MYO1C: variants seen among roughly 807,000 people sequenced by gnomAD.
The protein encoded by MYO1C is unconventional myosin-Ic.
A neutral mutation model predicts 150.8 loss-of-function variants in MYO1C; 104 were observed. That is an observed-to-expected ratio of 0.69 (90% CI 0.59 to 0.81). The LOEUF (loss-of-function observed/expected upper bound fraction) is 0.81. Ranked by LOEUF, MYO1C falls within the 30% of genes least tolerant of loss-of-function variation. MYO1C has a pLI of 0.00. For synonymous variants in MYO1C, 663 were observed against 579.9 expected (o/e 1.14, Z -2.06); for missense variants, 1,504 against 1,435.0 (o/e 1.05, Z -0.78).
Position 1,471,936 on chromosome 17 carries a change from A to G in MYO1C, c.1992T>C (p.Tyr664=), listed in dbSNP as rs1193000830. 6.2e-7 allele frequency: 1 copy of G among 1,614,142 alleles called. No individual in the cohort carries two copies. Among genetic ancestry groups the G allele is most frequent in the South Asian group, 1.1e-5 (1 of 91,088 alleles). The part of the protein sequence containing the change: ...NLRVRRAGFA[Y]RRKYEAFLQR... ...GCAGGAAAGCTTCGTATTTGCGGCGATAGGCAAAGCCGGCTCTGCGCACGC... is the reference window on the plus strand; with the variant it reads ...GCAGGAAAGCTTCGTATTTGCGGCGGTAGGCAAAGCCGGCTCTGCGCACGC... Residue 664 remains tyrosine (Y), a synonymous_variant, in exon 19 of 32, where the codon TAT becomes TAC. Transcript: ENST00000648651.
At chr17:1,469,009 C>A (rs1199993236) in intron 25 of MYO1C, 2 of 284,350 alleles carry the variant, frequency 7.0e-6, no homozygotes, top group East Asian at 9.0e-5. Flanking sequence ...ACGATATGAA[C>A]CCTACTGGCC....
At chr17:1,468,595 C>G in intron 25 of MYO1C, 99 bp from the exon 26 acceptor site, 2 of 937,190 alleles carry the variant, frequency 2.1e-6, no homozygotes, top group Middle Eastern at 2.8e-4. Context: ...CCCTCACCCG[C>G]TTGCTGGTCC....
At chr17:1,483,491 G>A (rs1177437773) in intron 3 of MYO1C, 119 bp downstream of exon 3, 5 of 740,160 alleles carry the variant, frequency 6.8e-6, no homozygotes, top group Non-Finnish European at 1.1e-5. Flanking sequence ...AGAGACTGTG[G>A]GATTCCTCAC....
chr17:1,478,616 C>G lies in MYO1C; in HGVS notation c.1212G>C (p.Lys404Asn), dbSNP rs766767528. ...GGAGCAGTGTGGACCGAGCCCTCAC[C>G]TTGGAGGCCAGCGACCTGTTGATCT... The part of the protein sequence containing the change: ...VGKINRSLAS[K>N]DVESPSWRST... Residue 404 changes from lysine (K) to asparagine (N), a missense_variant and splice_region_variant, in exon 10 of 32, where the codon AAG (lysine) becomes AAC (asparagine). Lys to Asn is a moderately conservative substitution (Grantham distance 94, BLOSUM62 0). Coordinates refer to ENST00000648651, the MANE Select transcript of MYO1C (RefSeq NM_001080779.2). This position sits in a 1 kb window ranked among gnomAD's most constrained non-coding sequence, Gnocchi z 6.3. 6.2e-7 allele frequency: 1 copy of G among 1,614,092 alleles called. No homozygotes were observed. Among genetic ancestry groups the G allele is most frequent in the Non-Finnish European group, 8.5e-7 (1 of 1,180,002 alleles).
intron 14 of MYO1C, chr17:1,477,160 T>C (rs915534917): frequency 1.5e-5 from 4 of 262,550 alleles, no homozygotes; most frequent in African/African-American, 8.8e-5. Context: ...TTTTAAAAAA[T>C]TCATTATTTA....
chr17:1,483,863 G>A lies in MYO1C; in HGVS notation c.232-138C>T. ...GTTCAAGACCAACCTGACCAACATG[G>A]AGAAATCCGTCTCTACTAAAAATAC... On this transcript the variant is annotated intron_variant, in intron 2 of 31. Transcript: ENST00000648651. 6 of 741,886 alleles carry A rather than the reference G, an allele frequency of 8.1e-6. No homozygotes were observed. In the South Asian group the frequency reaches 1.0e-4, roughly 13 times the overall value. The allele number at this position is 741,886 out of a possible 1,614,324, so 46.0% of individuals were successfully genotyped here.
chr17:1,485,643 G>A (rs1348968132), intron 1 of MYO1C: 2 of 1,182,760 alleles, frequency 1.7e-6, no homozygotes, highest in East Asian at 3.6e-5. Flanking sequence ...GCCGCGAGGT[G>A]GGGAGGGACG....
In MYO1C at chr17:1,482,351, G is replaced by A; in HGVS notation, c.627+127C>T. 6.8e-6 allele frequency: 6 copies of A among 875,936 alleles called. No individual in the cohort carries two copies. The South Asian group carries it at 6.9e-5, about 10-fold the overall frequency. 54.3% of individuals were successfully genotyped at this position (875,936 alleles called of 1,614,324 possible). A position where few individuals can be genotyped will look rare whatever the true frequency, so the allele number is the denominator to read the frequency against. ...TATTGTTTATCACCCTGGAAGGCAGGATTTTTGTTTGCTTTGTTTGACTGC... is the reference window on the plus strand; with the variant it reads ...TATTGTTTATCACCCTGGAAGGCAGAATTTTTGTTTGCTTTGTTTGACTGC... On this transcript the variant is annotated intron_variant, in intron 5 of 31. Transcript: ENST00000648651.
chr17:1,467,283 C>A lies in MYO1C; in HGVS notation c.3124G>T (p.Glu1042Ter). The A allele has an allele frequency of 6.2e-7, 1 of 1,613,686 alleles. No homozygotes were observed. The highest frequency in any genetic ancestry group is 8.5e-7 in the Non-Finnish European group (1 of 1,179,874). Residue 1042 changes from glutamate to a stop codon, truncating the protein, a stop_gained, in exon 31 of 32, where the codon GAG (glutamate) becomes TAG (stop). Transcript: ENST00000648651. LOFTEE classifies it high-confidence loss of function. ...TTCTTGGCCTTGGTGATGAGCAGCTCCGAGCCGGGTGTGAAGTCAATGGTG... is the reference window on the plus strand; with the variant it reads ...TTCTTGGCCTTGGTGATGAGCAGCTACGAGCCGGGTGTGAAGTCAATGGTG... ...DGTIDFTPGS[E>*]LLITKAKNGH...
Position 1,470,508 on chromosome 17 carries a change from G to A in MYO1C, c.2293C>T (p.Gln765Ter). Residue 765 changes from glutamine to a stop codon, truncating the protein, a stop_gained, in exon 23 of 32, where the codon CAG (glutamine) becomes TAG (stop). Coordinates refer to ENST00000648651, the MANE Select transcript of MYO1C (RefSeq NM_001080779.2). LOFTEE classifies it high-confidence loss of function. ...CCCAGTGTTCCACGCCACCACGACTGGATGCAGATGGCTGTCGTGGAGACC... is the reference window on the plus strand; with the variant it reads ...CCCAGTGTTCCACGCCACCACGACTAGATGCAGATGGCTGTCGTGGAGACC... The part of the protein sequence containing the change: ...LRVKRSAICI[Q>*]SWWRGTLGRR... 1 of 1,552,666 alleles carries A rather than the reference G, an allele frequency of 6.4e-7. No individual in the cohort carries two copies. The highest frequency in any genetic ancestry group is 1.9e-5 in the Admixed American group (1 of 51,340).
chr17:1,491,847 C>T (rs2074739111), intron 1 of MYO1C, among the ~76,000 whole-genome samples: 1 of 151,810 alleles, frequency 6.6e-6, no homozygotes, highest in South Asian at 2.1e-4. Context: ...CGAACACGCG[C>T]GCGCCCCTCC....
intron 1 of MYO1C, chr17:1,485,658 G>A: frequency 8.3e-7 from 1 of 1,209,924 alleles, no homozygotes; most frequent in Non-Finnish European, 1.0e-6. Flanking sequence ...GGGACGCCCG[G>A]GACCCCCCGC....
At chr17:1,465,834 T>A (rs1469906730) in intron 31 of MYO1C, 82 bp from the exon 32 acceptor site, 14 of 1,085,096 alleles carry the variant, frequency 1.3e-5, no homozygotes, top group African/African-American at 1.6e-5. Flanking sequence ...TTCGTCCTTG[T>A]TTTTTCCTTT....
intron 7 of MYO1C, among the ~76,000 whole-genome samples, 154 bp downstream of exon 7, chr17:1,480,373 A>C (rs182279486): frequency 6.9e-6 from 1 of 145,360 alleles, no homozygotes; most frequent in Non-Finnish European, 1.5e-5. Context: ...GCTTGAACCC[A>C]GGAGGCGGAG....
intron 17 of MYO1C, among the ~76,000 whole-genome samples, chr17:1,473,246 G>C (rs902977126): frequency 6.6e-6 from 1 of 152,120 alleles, no homozygotes; most frequent in Non-Finnish European, 1.5e-5. Flanking sequence ...CAGGTTTCTG[G>C]CCTGGGGGAC....
chr17:1,482,683 T>G, intron 4 of MYO1C, 125 bp from the exon 5 acceptor site: 2 of 202,012 alleles, frequency 9.9e-6, no homozygotes, highest in Non-Finnish European at 1.7e-5. Context: ...TCCCCTCCCC[T>G]CCCGCACTGG....
At chr17:1,466,993 G>A (rs188887122) in intron 31 of MYO1C, among the ~76,000 whole-genome samples, 248 of 152,162 alleles carry the variant, frequency 1.6e-3, no homozygotes, top group Non-Finnish European at 2.6e-3. Flanking sequence ...CCTGGCCTCT[G>A]GTGATCCACC....
In MYO1C at chr17:1,471,888, G is replaced by A. The variant is rs573506958; in HGVS notation, c.2021+19C>T. On this transcript the variant is annotated intron_variant, in intron 19 of 31. Transcript: ENST00000648651. ...CCTCCCGCTCCCCTTCCCTGGCACC[G>A]AGCAGGACCTGCCCCCACCTTTGCA... 25 of 1,612,080 alleles carry A rather than the reference G, an allele frequency of 1.6e-5. No homozygotes were observed. The highest frequency in any genetic ancestry group is 1.1e-4 in the African/African-American group (8 of 75,018).
intron 3 of MYO1C, 21 bp from the exon 4 acceptor site, chr17:1,483,080 G>C (rs763474429): frequency 6.4e-7 from 1 of 1,571,672 alleles, no homozygotes; most frequent in Admixed American, 1.8e-5. Flanking sequence ...GGCTCGTCAG[G>C]GAGTTTGGGG....
Sources: allele counts gnomAD v4.1 joint callset (sites outside exome capture counted in the v4.1 genomes callset), GRCh38; gene constraint gnomAD v4.1.1; non-coding constraint Gnocchi (gnomAD v3.1); transcripts MANE v1.5; gene names NCBI Gene and HGNC (gene_info 2026-07-23, HGNC 2026-07-21).